Variants in LAMA2 observed in about 807,000 individuals in gnomAD.
LAMA2 encodes laminin subunit alpha 2, also known as laminin subunit alpha-2.
Under a neutral mutation model 364.8 loss-of-function variants are expected in LAMA2, and 269 were observed. That is an observed-to-expected ratio of 0.74 (90% CI 0.67 to 0.82). The LOEUF (loss-of-function observed/expected upper bound fraction) is 0.82. Among genes scored for constraint, LAMA2 ranks in the 40% least tolerant of loss-of-function variants. The pLI, the probability that LAMA2 is intolerant of heterozygous loss-of-function variation, is 0.00. For synonymous variants in LAMA2, 1,379 were observed against 1,370.6 expected (o/e 1.01, Z -0.14); for missense variants, 3,807 against 3,873.2 (o/e 0.98, Z 0.45).
intron 33 of LAMA2, among the ~76,000 whole-genome samples, chr6:129,368,976 G>A (rs1174938377): frequency 6.6e-6 from 1 of 152,192 alleles, no homozygotes; most frequent in Non-Finnish European, 1.5e-5. Flanking sequence ...CACCATGGGG[G>A]AATTGTGGGC....
intron 35 of LAMA2, 140 bp downstream of exon 35, chr6:129,383,373 A>G: frequency 1.3e-6 from 1 of 747,528 alleles, no homozygotes; most frequent in East Asian, 2.7e-5. Flanking sequence ...AGTGTGGTTA[A>G]GATATTCAAG....
At chr6:128,942,976 A>G (rs1780252121) in intron 1 of LAMA2, among the ~76,000 whole-genome samples, 1 of 152,220 alleles carries the variant, frequency 6.6e-6, no homozygotes, top group African/African-American at 2.4e-5. Context: ...GATGTCCTCT[A>G]TAAGACTTTC....
chr6:128,920,249 C>G (rs183280663), intron 1 of LAMA2, among the ~76,000 whole-genome samples: 37 of 152,156 alleles, frequency 2.4e-4, no homozygotes, highest in Non-Finnish European at 4.7e-4. Flanking sequence ...CCTCCACCTC[C>G]CGGGTTCAAG....
In LAMA2 at chr6:129,270,758, A is replaced by G; in HGVS notation, c.2450+7A>G. On this transcript the variant is annotated splice_region_variant and intron_variant, in intron 17 of 64. Transcript: ENST00000421865. ...TCAATATCCCATCCAATAAGTAAGTAACAAACTTACCCCATGAATAAGCTC... is the reference window on the plus strand; with the variant it reads ...TCAATATCCCATCCAATAAGTAAGTGACAAACTTACCCCATGAATAAGCTC... 1 of 1,612,742 alleles carries G rather than the reference A, an allele frequency of 6.2e-7. No individual in the cohort carries two copies. The highest frequency in any genetic ancestry group is 1.1e-5 in the South Asian group (1 of 91,060).
chr6:129,212,248 G>A (rs4897303), intron 12 of LAMA2, among the ~76,000 whole-genome samples: 16,612 of 152,134 alleles, frequency 0.11, 1,106 homozygotes, highest in East Asian at 0.31. Context: ...TGTGGATCAG[G>A]AGGAAGTTAG....
chr6:129,478,562 A>C, intron 53 of LAMA2, 131 bp from the exon 54 acceptor site: 1 of 889,396 alleles, frequency 1.1e-6, no homozygotes, highest in East Asian at 2.6e-5. Flanking sequence ...TTTGCTGGGT[A>C]CACGTGTGCA....
intron 22 of LAMA2, among the ~76,000 whole-genome samples, chr6:129,308,215 T>A (rs1317992707): frequency 6.6e-6 from 1 of 152,154 alleles, no homozygotes; most frequent in Non-Finnish European, 1.5e-5. Context: ...TAGAAAGAAA[T>A]CAAAAACTCC....
rs544138567 is a variant in LAMA2 at position 129,253,680 on chromosome 6, C to CA, written c.2096+1392dup. On this transcript the variant is annotated intron_variant, in intron 14 of 64. Coordinates refer to ENST00000421865, the MANE Select transcript of LAMA2 (RefSeq NM_000426.4). Reference sequence around the variant, plus strand: ...TCAAAATGAATGACAACCAAATTGACAAAAAAAGTGTCTGGGGGGCTTATA... The same window carrying CA: ...TCAAAATGAATGACAACCAAATTGACAAAAAAAAGTGTCTGGGGGGCTTATA... Among the ~76,000 whole-genome samples, 6 of 152,130 alleles carry CA rather than the reference C, an allele frequency of 3.9e-5. No homozygotes were observed. In the South Asian group the frequency reaches 8.3e-4, roughly 21 times the overall value.
chr6:128,956,832 C>G (rs938576417), intron 1 of LAMA2, among the ~76,000 whole-genome samples: 20 of 151,752 alleles, frequency 1.3e-4, no homozygotes, highest in Non-Finnish European at 2.7e-4. Context: ...TAAAGGAACA[C>G]CAAAATCGAA....
chr6:128,947,617 C>T (rs1582745043), intron 1 of LAMA2, among the ~76,000 whole-genome samples: 1 of 152,108 alleles, frequency 6.6e-6, no homozygotes, highest in Non-Finnish European at 1.5e-5. Flanking sequence ...TATATTTATT[C>T]TACCTAATAA....
chr6:128,907,771 T>C (rs1023922047), intron 1 of LAMA2, among the ~76,000 whole-genome samples: 9 of 152,216 alleles, frequency 5.9e-5, no homozygotes, highest in African/African-American at 2.2e-4. Flanking sequence ...CGCTGTGGGT[T>C]TGTCATAGAT....
At chr6:129,127,727 A>G (rs1414897777) in intron 4 of LAMA2, among the ~76,000 whole-genome samples, 1 of 152,074 alleles carries the variant, frequency 6.6e-6, no homozygotes, top group Non-Finnish European at 1.5e-5. Flanking sequence ...GTGTGAGATG[A>G]TATCTCATTG....
At chr6:129,469,560 T>C (rs1783707315) in intron 51 of LAMA2, among the ~76,000 whole-genome samples, 1 of 151,880 alleles carries the variant, frequency 6.6e-6, no homozygotes, top group South Asian at 2.1e-4. Flanking sequence ...AATATACATC[T>C]ACCATACAAA....
intron 8 of LAMA2, chr6:129,158,286 T>G: frequency 6.2e-7 from 1 of 1,614,132 alleles, no homozygotes; most frequent in Non-Finnish European, 8.5e-7. Context: ...TAGCACAGTT[T>G]GGTAGATTTC....
At chr6:128,922,379 G>A in intron 1 of LAMA2, among the ~76,000 whole-genome samples, 1 of 151,376 alleles carries the variant, frequency 6.6e-6, no homozygotes, top group Admixed American at 6.6e-5. Context: ...GTTGTTTCCT[G>A]ACTTTTTAAT....
rs1024575256 is a variant in LAMA2 at position 129,049,770 on chromosome 6, A to G, written c.113-148A>G. On this transcript the variant is annotated intron_variant, in intron 1 of 64. Coordinates refer to ENST00000421865, the MANE Select transcript of LAMA2 (RefSeq NM_000426.4). ...ATAACACATAGTATTTATGTAGTATACTGAATTGTCAGGTATTTATCATTA... is the reference window on the plus strand; with the variant it reads ...ATAACACATAGTATTTATGTAGTATGCTGAATTGTCAGGTATTTATCATTA... 1.1e-5 allele frequency: 8 copies of G among 715,666 alleles called. No homozygotes were observed. In the African/African-American group the frequency reaches 1.4e-4, roughly 13 times the overall value. 44.3% of individuals were successfully genotyped at this position (715,666 alleles called of 1,614,324 possible).
intron 34 of LAMA2, among the ~76,000 whole-genome samples, chr6:129,378,609 G>A (rs1394159644): frequency 1.3e-5 from 2 of 152,106 alleles, no homozygotes. Context: ...ACATTAACTG[G>A]AGCAGTGTCC....
At chr6:129,300,708 C>A in intron 21 of LAMA2, 28 bp from the exon 22 acceptor site, 1 of 1,612,732 alleles carries the variant, frequency 6.2e-7, no homozygotes, top group South Asian at 1.1e-5. Context: ...TTTTCCCCTT[C>A]TTTGTTTTCC....
intron 48 of LAMA2, among the ~76,000 whole-genome samples, chr6:129,459,312 A>G (rs1011929309): frequency 1.1e-4 from 16 of 152,226 alleles, no homozygotes; most frequent in African/African-American, 3.6e-4. Flanking sequence ...GTGATCTGTC[A>G]TTTACCAAAA....
Sources: allele counts gnomAD v4.1 joint callset (sites outside exome capture counted in the v4.1 genomes callset), GRCh38; gene constraint gnomAD v4.1.1; transcripts MANE v1.5; gene names NCBI Gene and HGNC (gene_info 2026-07-23, HGNC 2026-07-21).